Variants in SPHKAP observed in about 807,000 individuals in gnomAD.
SPHKAP encodes the protein A-kinase anchor protein SPHKAP.
SPHKAP carries 67 observed loss-of-function variants against 137.5 expected under a neutral mutation model. The observed-to-expected ratio is 0.49, with a 90% CI of 0.40 to 0.60. The LOEUF (loss-of-function observed/expected upper bound fraction) is 0.60, where lower values mean the gene tolerates loss of function less well. Among genes scored for constraint, SPHKAP ranks in the 20% least tolerant of loss-of-function variants. The pLI, the probability that SPHKAP is intolerant of heterozygous loss-of-function variation, is 0.00. For synonymous variants in SPHKAP, 813 were observed against 785.3 expected, an observed-to-expected ratio of 1.04 and a Z score of -0.59; for missense variants, 2,097 against 2,069.3, an observed-to-expected ratio of 1.01 and a Z score of -0.26.
chr2:228,049,139 T>C (rs1045972505), intron 3 of SPHKAP, among the ~76,000 whole-genome samples: 3 of 152,116 alleles, frequency 2.0e-5, no homozygotes, highest in African/African-American at 7.2e-5. Context: ...TATCTCAGGA[T>C]TTTTGGAAGG....
intron 3 of SPHKAP, among the ~76,000 whole-genome samples, chr2:228,068,590 G>A (rs1415321743): frequency 2.0e-5 from 3 of 152,122 alleles, no homozygotes; most frequent in Non-Finnish European, 2.9e-5. Flanking sequence ...CATACACTGG[G>A]GAAAGGAGAG....
intron 3 of SPHKAP, among the ~76,000 whole-genome samples, chr2:228,069,380 T>A (rs1028290678): frequency 6.6e-6 from 1 of 152,172 alleles, no homozygotes; most frequent in African/African-American, 2.4e-5. Context: ...CACTGTACCT[T>A]GTATACAGAA....
intron 3 of SPHKAP, among the ~76,000 whole-genome samples, chr2:228,079,570 C>A (rs550622699): frequency 1.3e-5 from 2 of 152,336 alleles, no homozygotes; most frequent in South Asian, 4.1e-4. Flanking sequence ...CTGGGCCAAC[C>A]TTTGTGAACT....
chr2:228,071,280 T>C (rs1235569009), intron 3 of SPHKAP, among the ~76,000 whole-genome samples: 1 of 152,154 alleles, frequency 6.6e-6, no homozygotes, highest in Admixed American at 6.5e-5. Flanking sequence ...TGACAAGTTT[T>C]CCCCCCAAAT....
intron 3 of SPHKAP, among the ~76,000 whole-genome samples, chr2:228,080,967 C>T (rs142937314): frequency 6.6e-6 from 1 of 151,992 alleles, no homozygotes; most frequent in Non-Finnish European, 1.5e-5. Flanking sequence ...ATAGAATTAC[C>T]ATATAATCCA....
At chr2:228,129,518 G>C (rs1267071646) in intron 2 of SPHKAP, among the ~76,000 whole-genome samples, 2 of 152,046 alleles carry the variant, frequency 1.3e-5, no homozygotes, top group African/African-American at 4.8e-5. Flanking sequence ...AGATCTAACA[G>C]AGTTTTGAAT....
In SPHKAP at chr2:228,018,734, T is replaced by A; in HGVS notation, c.2120A>T (p.Glu707Val). The A allele has an allele frequency of 6.2e-7, 1 of 1,614,216 alleles. No individual in the cohort carries two copies. Among genetic ancestry groups the A allele is most frequent in the South Asian group, 1.1e-5 (1 of 91,082 alleles). ...ATCTAAAAGCAGTTGATTTGTACTT[T>A]CCATTAAGGTGTCCAGAATTTCAGA... is the stretch of plus-strand genomic sequence containing the variant. ...HSSEILDTLM[E>V]STNQLLLDVI... The change falls in exon 7 of 12, where the codon GAA becomes GTA. Residue 707 changes from glutamate (E) to valine (V), a missense_variant. Coordinates refer to ENST00000392056, the MANE Select transcript of SPHKAP (RefSeq NM_001142644.2).
intron 1 of SPHKAP, among the ~76,000 whole-genome samples, chr2:228,171,704 C>G (rs950381712): frequency 1.3e-5 from 2 of 152,032 alleles, no homozygotes; most frequent in Non-Finnish European, 1.5e-5. Context: ...TGATTTGTGG[C>G]CCCAGCTGTA....
chr2:228,068,132 T>C (rs1466843100), intron 3 of SPHKAP, among the ~76,000 whole-genome samples: 3 of 151,970 alleles, frequency 2.0e-5, no homozygotes, highest in African/African-American at 7.2e-5. Context: ...TTACAATAGC[T>C]ACAAATAAAA....
intron 1 of SPHKAP, among the ~76,000 whole-genome samples, chr2:228,141,707 T>G (rs1699612270): frequency 6.6e-6 from 1 of 152,164 alleles, no homozygotes. Flanking sequence ...AGATGCAGCC[T>G]GTTCATGCGT....
intron 1 of SPHKAP, among the ~76,000 whole-genome samples, chr2:228,169,533 T>A (rs952691297): frequency 6.6e-5 from 10 of 152,146 alleles, no homozygotes; most frequent in African/African-American, 2.4e-4. Flanking sequence ...CTGTTTATTT[T>A]AAGCCCACTG....
intron 3 of SPHKAP, among the ~76,000 whole-genome samples, chr2:228,064,338 T>G (rs1696756111): frequency 6.6e-6 from 1 of 152,208 alleles, no homozygotes; most frequent in Non-Finnish European, 1.5e-5. Flanking sequence ...ATATTAAACC[T>G]GCCATTATCA....
intron 2 of SPHKAP, among the ~76,000 whole-genome samples, chr2:228,130,453 A>T (rs1406705965): frequency 1.3e-5 from 2 of 152,082 alleles, no homozygotes; most frequent in African/African-American, 2.4e-5. Context: ...TATTTTCTTC[A>T]TTTTTCACAT....
At chr2:228,026,991 C>T (rs1353852635) in intron 4 of SPHKAP, among the ~76,000 whole-genome samples, 1 of 152,164 alleles carries the variant, frequency 6.6e-6, no homozygotes, top group Admixed American at 6.5e-5. Context: ...GCTCTTGTTC[C>T]AGAGGACTGA....
At chr2:228,107,691 G>T (rs1698386575) in intron 3 of SPHKAP, among the ~76,000 whole-genome samples, 1 of 152,052 alleles carries the variant, frequency 6.6e-6, no homozygotes, top group South Asian at 2.1e-4. Context: ...ACAATTTATG[G>T]CTGTGTAACT....
intron 7 of SPHKAP, among the ~76,000 whole-genome samples, chr2:227,999,135 A>C (rs532550062): frequency 6.6e-6 from 1 of 152,324 alleles, no homozygotes; most frequent in Non-Finnish European, 1.5e-5. Flanking sequence ...TGATGTGTGA[A>C]CTTGTCACCT....
chr2:228,006,685 T>C (rs1369834534), intron 7 of SPHKAP, among the ~76,000 whole-genome samples: 1 of 152,210 alleles, frequency 6.6e-6, no homozygotes, highest in East Asian at 1.9e-4. Flanking sequence ...CTACCTTTGG[T>C]CTTTGATGAT....
At chr2:228,095,436 A>C (rs188512863) in intron 3 of SPHKAP, among the ~76,000 whole-genome samples, 9 of 152,316 alleles carry the variant, frequency 5.9e-5, no homozygotes, top group African/African-American at 2.2e-4. Context: ...CAAAGGCAGG[A>C]GAAGAATTAA....
At chr2:228,060,530 G>C (rs1356091688) in intron 3 of SPHKAP, among the ~76,000 whole-genome samples, 1 of 152,124 alleles carries the variant, frequency 6.6e-6, no homozygotes, top group Non-Finnish European at 1.5e-5. Context: ...TGGTTACAGT[G>C]TTTTTAATTT....
Sources: gnomAD v4.1 joint callset for allele counts (sites outside exome capture counted in the v4.1 genomes callset) on GRCh38, gnomAD v4.1.1 for gene constraint, MANE v1.5 for transcripts, NCBI Gene and HGNC (gene_info 2026-07-23, HGNC 2026-07-21) for gene names.